SLC24A4: variants seen among roughly 807,000 people sequenced by gnomAD.
SLC24A4 encodes sodium/potassium/calcium exchanger 4.
Under a neutral mutation model 79.0 loss-of-function variants are expected in SLC24A4, and 53 were observed. The ratio of observed to expected loss-of-function variants is 0.67; its 90% CI spans 0.54 to 0.84. SLC24A4 has a LOEUF of 0.84. Among genes scored for constraint, SLC24A4 ranks in the 40% least tolerant of loss-of-function variants. The pLI, the probability that SLC24A4 is intolerant of heterozygous loss-of-function variation, is 0.00. For missense variants in SLC24A4, 731 were observed against 822.0 expected, an observed-to-expected ratio of 0.89 and a Z score of 1.35; for synonymous variants, 323 against 323.8, an observed-to-expected ratio of 1.00 and a Z score of 0.03.
intron 14 of SLC24A4, among the ~76,000 whole-genome samples, chr14:92,489,734 T>C (rs1185159194): frequency 2.0e-5 from 3 of 152,136 alleles, no homozygotes; most frequent in Admixed American, 6.5e-5. Context: ...CTAGAAGTCC[T>C]CAAAGGCTCA....
Position 92,482,660 on chromosome 14 carries a change from T to C in SLC24A4, c.1256-20T>C. 6.3e-7 allele frequency: 1 copy of C among 1,590,786 alleles called. No individual in the cohort carries two copies. Among genetic ancestry groups the C allele is most frequent in the Non-Finnish European group, 8.6e-7 (1 of 1,166,830 alleles). On this transcript the variant is annotated intron_variant, in intron 12 of 16. Coordinates refer to ENST00000532405, the MANE Select transcript of SLC24A4 (RefSeq NM_153646.4). ...TCTTTCTCTCCCCCTCCTTTCTCAC[T>C]CTGCCCCTTCACCCTGCAGAGGCCA... is the stretch of plus-strand genomic sequence containing the variant.
intron 2 of SLC24A4, among the ~76,000 whole-genome samples, chr14:92,359,388 A>C (rs1002396048): frequency 6.6e-6 from 1 of 152,188 alleles, no homozygotes; most frequent in African/African-American, 2.4e-5. Context: ...AGTCTGGCCA[A>C]CATGGTGAAA....
chr14:92,425,980 TTCAA>T (rs796432557), intron 2 of SLC24A4, among the ~76,000 whole-genome samples: 10 of 152,036 alleles, frequency 6.6e-5, no homozygotes, highest in South Asian at 2.1e-4. Flanking sequence ...GAGACCCTGT[TTCAA>T]TCAATCAATC....
At chr14:92,483,228 A>G (rs1895160601) in intron 13 of SLC24A4, among the ~76,000 whole-genome samples, 2 of 152,148 alleles carry the variant, frequency 1.3e-5, no homozygotes, top group African/African-American at 2.4e-5. Flanking sequence ...GATGAGGTTG[A>G]ACACAAGGCA....
chr14:92,343,672 CCT>C (rs1566700312), intron 2 of SLC24A4, among the ~76,000 whole-genome samples: 3 of 138,488 alleles, frequency 2.2e-5, no homozygotes, highest in Admixed American at 7.4e-5. Context: ...TTCCTTCCTT[CCT>C]TCCTTCCTTC....
At chr14:92,331,437 C>T (rs909940203) in intron 2 of SLC24A4, among the ~76,000 whole-genome samples, 1 of 152,164 alleles carries the variant, frequency 6.6e-6, no homozygotes, top group Non-Finnish European at 1.5e-5. Flanking sequence ...CACATGCCAC[C>T]ATGCCTGGCT....
Position 92,495,639 on chromosome 14 carries a change from G to A in SLC24A4, c.*2011G>A, listed in dbSNP as rs1895897246. 1 of 152,190 alleles carries A rather than the reference G, an allele frequency of 6.6e-6. No individual in the cohort carries two copies. Among genetic ancestry groups the A allele is most frequent in the South Asian group, 2.1e-4 (1 of 4,834 alleles). 9.4% of individuals were successfully genotyped at this position (152,190 alleles called of 1,614,324 possible). On this transcript the variant is annotated 3_prime_UTR_variant, in exon 17 of 17. Transcript: ENST00000532405. ...CTGTTTTGATTCTCCAAACTGCTCT[G>A]TGATGTATGTAGGGATTATTCTCCC...
At chr14:92,422,390 G>A (rs1367636295) in intron 2 of SLC24A4, among the ~76,000 whole-genome samples, 4 of 152,222 alleles carry the variant, frequency 2.6e-5, no homozygotes, top group African/African-American at 4.8e-5. Context: ...ATGTCAAAGG[G>A]AAGAAACATA....
At chr14:92,460,088 TAGCTTCGGGTGTCA>T (rs1893713076) in intron 12 of SLC24A4, among the ~76,000 whole-genome samples, 1 of 152,130 alleles carries the variant, frequency 6.6e-6, no homozygotes, top group South Asian at 2.1e-4. Flanking sequence ...GGAACCAGCA[TAGCTTCGGGTGTCA>T]AGGAATGAGT....
chr14:92,412,520 C>A (rs1312580857), intron 2 of SLC24A4, among the ~76,000 whole-genome samples: 2 of 152,146 alleles, frequency 1.3e-5, no homozygotes, highest in East Asian at 3.9e-4. Flanking sequence ...CTTCTGTCCT[C>A]CTGGGCACAG....
intron 2 of SLC24A4, among the ~76,000 whole-genome samples, chr14:92,351,382 T>C (rs1484147128): frequency 6.6e-6 from 1 of 152,170 alleles, no homozygotes; most frequent in East Asian, 1.9e-4. Flanking sequence ...TGGGATTGTT[T>C]TTTTAAAACT....
chr14:92,340,164 T>C (rs1886044248), intron 2 of SLC24A4, among the ~76,000 whole-genome samples: 1 of 152,232 alleles, frequency 6.6e-6, no homozygotes, highest in African/African-American at 2.4e-5. Context: ...GGCTGGCTTA[T>C]ATTGTATATT....
intron 4 of SLC24A4, among the ~76,000 whole-genome samples, chr14:92,440,750 G>T (rs1892445563): frequency 6.6e-6 from 1 of 151,964 alleles, no homozygotes; most frequent in African/African-American, 2.4e-5. Flanking sequence ...GAGCCAAAGG[G>T]AGAGGGGGAG....
chr14:92,360,164 T>C (rs958452493), intron 2 of SLC24A4, among the ~76,000 whole-genome samples: 1 of 152,254 alleles, frequency 6.6e-6, no homozygotes, highest in Non-Finnish European at 1.5e-5. Flanking sequence ...CCTCATAATC[T>C]GCCCACCTTG....
chr14:92,444,810 G>T (rs911716787), intron 7 of SLC24A4, among the ~76,000 whole-genome samples: 20 of 151,932 alleles, frequency 1.3e-4, no homozygotes, highest in Non-Finnish European at 8.8e-5. Context: ...AGCCAAAATC[G>T]CACTGCTGCA....
At chr14:92,444,920 TATACACACACATACACACACAC>T (rs1433820448) in intron 7 of SLC24A4, among the ~76,000 whole-genome samples, 6 of 123,310 alleles carry the variant, frequency 4.9e-5, no homozygotes, top group Non-Finnish European at 9.6e-5. Context: ...ACACACCCTA[TATACACACACATACACACACAC>T]ACACACACAC....
At chr14:92,444,369 C>G (rs1892669461) in intron 7 of SLC24A4, among the ~76,000 whole-genome samples, 1 of 152,144 alleles carries the variant, frequency 6.6e-6, no homozygotes, top group Non-Finnish European at 1.5e-5. Flanking sequence ...CAAACTGATG[C>G]CCAAGTTATG....
At position 92,493,539 on chromosome 14, in the gene SLC24A4, C is replaced by G; in HGVS notation, c.1780C>G (p.Leu594Val). 6.2e-7 allele frequency: 1 copy of G among 1,614,208 alleles called. No individual in the cohort carries two copies. The highest frequency in any genetic ancestry group is 8.5e-7 in the Non-Finnish European group (1 of 1,180,030). Reference sequence around the variant, plus strand: ...GAAGCTGGGTGTCTACGTGCTGGTTCTCTACGCCATCTTCTTGTGCTTCTC... The same window carrying G: ...GAAGCTGGGTGTCTACGTGCTGGTTGTCTACGCCATCTTCTTGTGCTTCTC... ...DRKLGVYVLV[L>V]YAIFLCFSIM... Residue 594 changes from leucine (L) to valine (V), a missense_variant, in exon 17 of 17, where the codon CTC becomes GTC. Coordinates refer to ENST00000532405, the MANE Select transcript of SLC24A4 (RefSeq NM_153646.4).
At chr14:92,438,994 T>G (rs1360097708) in intron 3 of SLC24A4, among the ~76,000 whole-genome samples, 1 of 152,186 alleles carries the variant, frequency 6.6e-6, no homozygotes, top group Non-Finnish European at 1.5e-5. Flanking sequence ...GATATTCCTA[T>G]TATGCCCGAG....
Sources: gnomAD v4.1 joint callset for allele counts (sites outside exome capture counted in the v4.1 genomes callset) on GRCh38, gnomAD v4.1.1 for gene constraint, MANE v1.5 for transcripts, NCBI Gene and HGNC (gene_info 2026-07-23, HGNC 2026-07-21) for gene names.